The following ANKRD26 variants were observed in gnomAD, a reference collection of about 807,000 sequenced individuals.
ANKRD26 encodes the protein ankyrin repeat domain-containing protein 26.
In ANKRD26, 141 loss-of-function variants were observed where a neutral mutation model predicts 208.7. The ratio of observed to expected loss-of-function variants is 0.68; its 90% confidence interval spans 0.59 to 0.78. ANKRD26 has a LOEUF of 0.78. Among genes scored for constraint, ANKRD26 ranks in the 30% least tolerant of loss-of-function variants. The probability of loss-of-function intolerance (pLI) is 0.00; values close to 1 mark genes in which losing one functional copy is unlikely to be tolerated. For synonymous variants in ANKRD26, 636 were observed against 660.4 expected, an observed-to-expected ratio of 0.96 and a Z score of 0.57; for missense variants, 1,889 against 1,938.7, an observed-to-expected ratio of 0.97 and a Z score of 0.48.
rs751249783 is a variant in ANKRD26, at chr10:27,093,709, G to A, written c.333C>T (p.Asn111=). The A allele has an allele frequency of 3.2e-5, 52 of 1,614,138 alleles. No homozygotes were observed. Among genetic ancestry groups the A allele is most frequent in the Middle Eastern group, 3.3e-4 (2 of 6,062 alleles). ...CCTTCATCAGAGCTGTCCTGTTTTC[G>A]TTGTCACAGACATTGAGCTGGCATT... ...DRKCQLNVCD[N]ENRTALMKAV... The change falls in exon 2 of 34, where the codon AAC becomes AAT. Residue 111 remains asparagine (N), a synonymous_variant. Coordinates refer to ENST00000376087, the MANE Select transcript of ANKRD26 (RefSeq NM_014915.3).
At chr10:27,062,778 T>C (rs569958029) in intron 12 of ANKRD26, among the ~76,000 whole-genome samples, 130 of 152,054 alleles carry the variant, frequency 8.5e-4, no homozygotes, top group African/African-American at 2.4e-3. Context: ...TTCTTTTTTT[T>C]TTTTTTTGAG....
chr10:26,966,022 A>G, the ANKRD26 span, among the ~76,000 whole-genome samples: 22 of 152,198 alleles, frequency 1.4e-4, no homozygotes, highest in Non-Finnish European at 2.8e-4. Flanking sequence ...GAAAACTTTT[A>G]CACTGTTGGT....
intron 20 of ANKRD26, among the ~76,000 whole-genome samples, 199 bp from the exon 21 acceptor site, chr10:27,040,377 A>G (rs916868955): frequency 6.6e-6 from 1 of 152,204 alleles, no homozygotes; most frequent in Non-Finnish European, 1.5e-5. Context: ...TGAAGACAAA[A>G]AAAGTGACAA....
Position 27,035,215 on chromosome 10 carries a change from C to G in ANKRD26, c.3235G>C (p.Glu1079Gln). ...TESKLNSLEI[E>Q]FHHTRDALRE... The stretch of plus-strand genomic sequence containing the variant: ...AGGGCATCTCTCGTGTGATGGAACT[C>G]AATTTCTAGGCTATTGAGTTTACTT... The change falls in exon 24 of 34, where the codon GAG becomes CAG. Residue 1079 changes from glutamate to glutamine, a missense_variant. By Grantham distance (29) the Glu-to-Gln change is conservative (BLOSUM62 2). This residue lies in a region of ANKRD26 where 1,272 missense variants were observed against 1,273.8 expected (regional missense o/e 1.00). Coordinates refer to ENST00000376087, the MANE Select transcript of ANKRD26 (RefSeq NM_014915.3). The G allele has an allele frequency of 1.2e-6, 2 of 1,613,978 alleles. No individual in the cohort carries two copies. Among genetic ancestry groups the G allele is most frequent in the Non-Finnish European group, 1.7e-6 (2 of 1,179,938 alleles).
chr10:26,954,484 TA>T, the ANKRD26 span, among the ~76,000 whole-genome samples: 1 of 152,146 alleles, frequency 6.6e-6, no homozygotes, highest in Admixed American at 6.6e-5. Flanking sequence ...TTCTCTTGCT[TA>T]AAAAAACTTA....
At chr10:27,003,092 T>C (rs1288978180), downstream of ANKRD26, among the ~76,000 whole-genome samples, 1 of 152,240 alleles carries the variant, frequency 6.6e-6, no homozygotes, top group Non-Finnish European at 1.5e-5. Flanking sequence ...GGTTCTGTTA[T>C]ATGTCATTTC....
chr10:27,066,546 T>C lies in ANKRD26; in HGVS notation c.1210A>G (p.Met404Val), dbSNP rs751538106. 4 of 1,593,220 alleles carry C rather than the reference T, an allele frequency of 2.5e-6. No homozygotes were observed. In the African/African-American group the frequency reaches 5.4e-5, roughly 21 times the overall value. The part of the protein sequence containing the change: ...DEVHKNNRSD[M>V]MSALGLGQEE... The stretch of plus-strand genomic sequence containing the variant: ...TGTCCTAATCCTAATGCGGACATCA[T>C]ATCTATCAAATGTGATACACAGATA... The change falls in exon 11 of 34, where the codon ATG (methionine) becomes GTG (valine). Residue 404 changes from methionine to valine, a missense_variant and splice_region_variant. By Grantham distance (21) the Met-to-Val change is conservative (BLOSUM62 1). Transcript: ENST00000376087.
intron 6 of ANKRD26, 87 bp from the exon 7 acceptor site, chr10:27,079,248 C>T (rs570195849): frequency 2.1e-4 from 245 of 1,167,820 alleles, no homozygotes; most frequent in Non-Finnish European, 2.8e-4. Context: ...ATCTGGATGC[C>T]CCCTCCAAAA....
At chr10:26,978,399 T>G (rs949098458) in intron 5 of ANKRD26, among the ~76,000 whole-genome samples, 1 of 152,094 alleles carries the variant, frequency 6.6e-6, no homozygotes, top group Non-Finnish European at 1.5e-5. Context: ...GAGGTTGCAG[T>G]GAGCCAAGAT....
downstream of ANKRD26, among the ~76,000 whole-genome samples, chr10:26,991,006 C>A (rs2052476062): frequency 6.6e-6 from 1 of 152,218 alleles, no homozygotes; most frequent in South Asian, 2.1e-4. Flanking sequence ...CAGAAGCAGA[C>A]AAGCTCGACT....
At chr10:26,985,310 C>G (rs1314071495) in intron 3 of ANKRD26, among the ~76,000 whole-genome samples, 1 of 152,066 alleles carries the variant, frequency 6.6e-6, no homozygotes, top group Non-Finnish European at 1.5e-5. Context: ...ATTGTTTACA[C>G]CAGGATTACA....
exon 6 of ANKRD26, among the ~76,000 whole-genome samples, chr10:26,975,999 C>T (rs2052221744): frequency 6.6e-6 from 1 of 152,020 alleles, no homozygotes; most frequent in South Asian, 2.1e-4. Context: ...CCCCCAATTG[C>T]AACCTCATCT....
intron 6 of ANKRD26, among the ~76,000 whole-genome samples, 170 bp downstream of exon 6, chr10:27,082,633 C>A (rs2055964377): frequency 6.6e-6 from 1 of 152,166 alleles, no homozygotes; most frequent in South Asian, 2.1e-4. Flanking sequence ...ATTAATCAAC[C>A]TCTCTGAACC....
At chr10:26,966,312 T>C in the ANKRD26 span, among the ~76,000 whole-genome samples, 1 of 152,118 alleles carries the variant, frequency 6.6e-6, no homozygotes, top group Non-Finnish European at 1.5e-5. Context: ...TAAAAAGGAA[T>C]GAGATCATGT....
chr10:27,087,950 T>C (rs2056176014), intron 4 of ANKRD26, among the ~76,000 whole-genome samples: 1 of 152,028 alleles, frequency 6.6e-6, no homozygotes, highest in Non-Finnish European at 1.5e-5. Flanking sequence ...CTGGCTAATT[T>C]TTCTTCATTA....
chr10:26,951,315 T>G, the ANKRD26 span, among the ~76,000 whole-genome samples: 4 of 152,166 alleles, frequency 2.6e-5, no homozygotes, highest in Non-Finnish European at 4.4e-5. Flanking sequence ...GAACTGAATT[T>G]GGAACCATGT....
At chr10:26,956,313 T>TAAAAA in the ANKRD26 span, among the ~76,000 whole-genome samples, 17 of 152,164 alleles carry the variant, frequency 1.1e-4, no homozygotes, top group African/African-American at 3.9e-4. Flanking sequence ...CCATATGTCA[T>TAAAAA]AAGAAAGCCA....
chr10:27,011,506 A>AT (rs144620330), intron 32 of ANKRD26, among the ~76,000 whole-genome samples: 16 of 150,402 alleles, frequency 1.1e-4, no homozygotes, highest in Non-Finnish European at 1.3e-4. Context: ...AGCATAGTTG[A>AT]TTTTTTTTTT....
downstream of ANKRD26, among the ~76,000 whole-genome samples, chr10:26,970,716 C>G (rs1005314297): frequency 6.6e-6 from 1 of 152,292 alleles, no homozygotes; most frequent in South Asian, 2.1e-4. Context: ...GGGTATAGTT[C>G]AAATGGAATT....
Sources: gnomAD v4.1 joint callset for allele counts (sites outside exome capture counted in the v4.1 genomes callset) on GRCh38, gnomAD v4.1.1 for gene constraint, gnomAD v4.1.1 regional missense constraint, MANE v1.5 for transcripts, NCBI Gene and HGNC (gene_info 2026-07-23, HGNC 2026-07-21) for gene names.